Variants in COLQ observed in about 807,000 individuals in gnomAD.
The protein encoded by COLQ is collagen like tail subunit of asymmetric acetylcholinesterase.
Under a neutral mutation model 69.0 loss-of-function variants are expected in COLQ, and 48 were observed. The observed-to-expected ratio is 0.70, with a 90% CI of 0.55 to 0.88. COLQ has a LOEUF of 0.88. Ranked by LOEUF, COLQ falls within the 40% of genes least tolerant of loss-of-function variation. The pLI is 0.00. For missense variants in COLQ, 618 were observed against 594.6 expected (o/e 1.04, Z -0.41); for synonymous variants, 217 against 211.2 (o/e 1.03, Z -0.24).
At chr3:15,463,314 GGT>G (rs754890788) in intron 12 of COLQ, among the ~76,000 whole-genome samples, 3 of 151,040 alleles carry the variant, frequency 2.0e-5, no homozygotes, top group Non-Finnish European at 4.4e-5. Flanking sequence ...TTTTGGTTTT[GGT>G]TTTGTTTTTT....
chr3:15,456,340 C>A, intron 14 of COLQ, 120 bp downstream of exon 14: 1 of 1,366,620 alleles, frequency 7.3e-7, no homozygotes. Context: ...CTCAGCCCTC[C>A]CATGCAGACA....
At position 15,450,410 on chromosome 3, in the gene COLQ, C is replaced by CTTCGTACAAA. The variant is rs1371662434; in HGVS notation, c.*1233_*1234insTTTGTACGAA. The stretch of plus-strand genomic sequence containing the variant: ...CTCATTAAATAGCTTCGTACAAAAA[C>CTTCGTACAAA]CCAAGGGTGTCCCTCCAGCTGGTAA... On this transcript the variant is annotated 3_prime_UTR_variant, in exon 17 of 17. Transcript: ENST00000383788. 6.5e-6 allele frequency: 1 copy of CTTCGTACAAA among 153,744 alleles called. No homozygotes were observed. Among genetic ancestry groups the CTTCGTACAAA allele is most frequent in the Non-Finnish European group, 1.5e-5 (1 of 68,050 alleles). The allele number at this position is 153,744 out of a possible 1,614,324, so 9.5% of individuals were successfully genotyped here. A position where few individuals can be genotyped will look rare whatever the true frequency, so the allele number is the denominator to read the frequency against.
chr3:15,457,779 AT>A (rs1172220236), intron 13 of COLQ, among the ~76,000 whole-genome samples: 3 of 151,980 alleles, frequency 2.0e-5, no homozygotes, highest in Non-Finnish European at 2.9e-5. Flanking sequence ...CGCCCGGCTA[AT>A]TTTTTAAATA....
At chr3:15,495,247 C>T (rs1246190416) in intron 1 of COLQ, among the ~76,000 whole-genome samples, 1 of 152,130 alleles carries the variant, frequency 6.6e-6, no homozygotes, top group Non-Finnish European at 1.5e-5. Flanking sequence ...AGAACACACA[C>T]CGGAAGGAAC....
chr3:15,460,710 G>T (rs201081943), intron 12 of COLQ, among the ~76,000 whole-genome samples: 1 of 152,198 alleles, frequency 6.6e-6, no homozygotes, highest in Non-Finnish European at 1.5e-5. Context: ...ATGGTTGTTT[G>T]TTCTAACAAG....
intron 15 of COLQ, among the ~76,000 whole-genome samples, chr3:15,455,629 G>T (rs886560934): frequency 2.0e-5 from 3 of 152,224 alleles, no homozygotes; most frequent in Admixed American, 6.5e-5. Flanking sequence ...GGGAGGACCT[G>T]GTGGCTACAT....
In COLQ at chr3:15,456,004, G is replaced by A. The variant is rs1357228486; in HGVS notation, c.1090C>T (p.Pro364Ser). The change falls in exon 15 of 17, where the codon CCT becomes TCT. Residue 364 changes from proline to serine, a missense_variant. By Grantham distance (74) the Pro-to-Ser change is moderately conservative (BLOSUM62 -1). Coordinates refer to ENST00000383788, the MANE Select transcript of COLQ (RefSeq NM_005677.4). ...WLPIQLTPFYPVDYTADQHGT... is the reference protein window; with the variant it reads ...WLPIQLTPFYSVDYTADQHGT... ...TGCTGGTCTGCAGTGTAATCCACAG[G>A]GTAGAAAGGGGTCAGCTGGCCAAAG... 6.2e-7 allele frequency: 1 copy of A among 1,613,946 alleles called. No individual in the cohort carries two copies. The highest frequency in any genetic ancestry group is 8.5e-7 in the Non-Finnish European group (1 of 1,180,006).
At chr3:15,465,958 T>G (rs1405929610) in intron 12 of COLQ, among the ~76,000 whole-genome samples, 1 of 152,146 alleles carries the variant, frequency 6.6e-6, no homozygotes, top group African/African-American at 2.4e-5. Flanking sequence ...CACTGTAAAT[T>G]GGAAAAAACC....
At chr3:15,489,011 T>C (rs774690254) in intron 2 of COLQ, among the ~76,000 whole-genome samples, 2 of 152,160 alleles carry the variant, frequency 1.3e-5, no homozygotes, top group African/African-American at 2.4e-5. Flanking sequence ...CTAGGCCAGT[T>C]TCCCTAATCT....
At chr3:15,472,432 A>C (rs2062303221) in intron 10 of COLQ, among the ~76,000 whole-genome samples, 1 of 152,238 alleles carries the variant, frequency 6.6e-6, no homozygotes, top group Non-Finnish European at 1.5e-5. Flanking sequence ...CTTTCCACTG[A>C]CTAGAAAAGG....
intron 14 of COLQ, 145 bp from the exon 15 acceptor site, chr3:15,456,164 G>T: frequency 9.7e-7 from 1 of 1,035,666 alleles, no homozygotes; most frequent in Non-Finnish European, 1.5e-6. Flanking sequence ...CTCCTTTCCT[G>T]TTGCCCAGAG....
intron 1 of COLQ, among the ~76,000 whole-genome samples, chr3:15,510,815 A>AGAGGAAGG (rs1173965026): frequency 1.4e-5 from 2 of 138,144 alleles, no homozygotes; most frequent in African/African-American, 5.5e-5. Context: ...AGACCAAGAG[A>AGAGGAAGG]GAGGAAGGGA....
At position 15,466,328 on chromosome 3, in the gene COLQ, G is replaced by GT. The variant is rs774814485; in HGVS notation, c.814+12dup. ...CTCCAACAGTGGATCAAGTGAAGCA[G>GT]TGTAGCTCTTACCTGCAGGTGGGGG... On this transcript the variant is annotated intron_variant, in intron 12 of 16. Coordinates refer to ENST00000383788, the MANE Select transcript of COLQ (RefSeq NM_005677.4). 12 of 1,595,332 alleles carry GT rather than the reference G, an allele frequency of 7.5e-6. No individual in the cohort carries two copies. Among genetic ancestry groups the GT allele is most frequent in the Non-Finnish European group, 1.0e-5 (12 of 1,163,028 alleles).
intron 2 of COLQ, 73 bp from the exon 3 acceptor site, chr3:15,488,380 G>A (rs1257612943): frequency 2.1e-5 from 26 of 1,260,432 alleles, no homozygotes; most frequent in Non-Finnish European, 2.7e-5. Flanking sequence ...CCTGGACACA[G>A]ACCTGCTCCG....
chr3:15,516,912 C>T (rs368008317), intron 1 of COLQ, among the ~76,000 whole-genome samples: 1 of 152,174 alleles, frequency 6.6e-6, no homozygotes, highest in Non-Finnish European at 1.5e-5. Context: ...GAGGTCAAGG[C>T]CAGCGGATCA....
At position 15,474,859 on chromosome 3, in the gene COLQ, T is replaced by C. The variant is rs534022312; in HGVS notation, c.555+66A>G. The C allele has an allele frequency of 4.5e-6, 7 of 1,571,832 alleles. No homozygotes were observed. In the South Asian group the frequency reaches 7.8e-5, roughly 17 times the overall value. On this transcript the variant is annotated intron_variant, in intron 8 of 16. Transcript: ENST00000383788. ...GAGAGACCTGGACCCATTCTCTGCA[T>C]GTCTCTGATTCCAGAGCCAGTAGCC...
chr3:15,491,822 G>A (rs1019239137), intron 1 of COLQ, among the ~76,000 whole-genome samples: 6 of 152,154 alleles, frequency 3.9e-5, no homozygotes, highest in African/African-American at 1.4e-4. Flanking sequence ...CACTTTGGGA[G>A]GCCAAGGTGG....
chr3:15,499,016 GTCA>G, intron 1 of COLQ: 3 of 998,348 alleles, frequency 3.0e-6, no homozygotes, highest in Admixed American at 1.1e-4. Flanking sequence ...AAGCCTCAAA[GTCA>G]ACCCCCCACC....
At chr3:15,454,083 C>A in intron 15 of COLQ, 152 bp from the exon 16 acceptor site, 1 of 658,070 alleles carries the variant, frequency 1.5e-6, no homozygotes. Flanking sequence ...CCTCCAGGGA[C>A]TGCCCACAGG....
Sources: allele counts gnomAD v4.1 joint callset (sites outside exome capture counted in the v4.1 genomes callset), GRCh38; gene constraint gnomAD v4.1.1; transcripts MANE v1.5; gene names NCBI Gene and HGNC (gene_info 2026-07-23, HGNC 2026-07-21).